Variants in FUT8 observed in about 807,000 individuals in gnomAD.
FUT8 encodes fucosyltransferase 8.
In FUT8, 29 loss-of-function variants were observed where a neutral mutation model predicts 71.3. That is an observed-to-expected ratio of 0.41 (90% CI 0.30 to 0.55). The LOEUF is 0.55. FUT8 is among the 20% of genes least tolerant of loss of function. The pLI is 0.34. For synonymous variants in FUT8, 254 were observed against 239.3 expected (o/e 1.06, Z -0.57); for missense variants, 544 against 702.1 (o/e 0.77, Z 2.55).
At chr14:65,359,860 C>G in the FUT8 span, among the ~76,000 whole-genome samples, 7,864 of 152,114 alleles carry the variant, frequency 0.052, 310 homozygotes, top group South Asian at 0.17. Flanking sequence ...GAGTCTTGCT[C>G]TATCACCCAG....
At chr14:65,573,334 T>A (rs1306874685) in intron 3 of FUT8, among the ~76,000 whole-genome samples, 4 of 152,068 alleles carry the variant, frequency 2.6e-5, no homozygotes, top group Non-Finnish European at 5.9e-5. Context: ...CTCATTCATA[T>A]TAATATATTC....
chr14:65,422,520 T>G (rs1327029459), intron 1 of FUT8, among the ~76,000 whole-genome samples: 9 of 151,926 alleles, frequency 5.9e-5, no homozygotes, highest in Admixed American at 3.9e-4. Flanking sequence ...TTTTAAGAGA[T>G]AGGGTCTTGC....
intron 3 of FUT8, among the ~76,000 whole-genome samples, chr14:65,568,592 T>C (rs2140070783): frequency 6.6e-6 from 1 of 151,896 alleles, no homozygotes; most frequent in East Asian, 1.9e-4. Context: ...TCTGTTTATC[T>C]TTCAGATTTT....
intron 5 of FUT8, chr14:65,617,160 A>G (rs774305794): frequency 1.3e-6 from 2 of 1,583,246 alleles, no homozygotes; most frequent in African/African-American, 2.7e-5. Context: ...ACAACCTACT[A>G]CTGTGAAGAG....
chr14:65,458,667 G>A (rs1467315342), intron 2 of FUT8, among the ~76,000 whole-genome samples: 2 of 152,058 alleles, frequency 1.3e-5, no homozygotes, highest in Non-Finnish European at 2.9e-5. Context: ...TCTTGTTTCT[G>A]AACATTTTTA....
At chr14:65,385,627 G>T in the FUT8 span, among the ~76,000 whole-genome samples, 8 of 151,984 alleles carry the variant, frequency 5.3e-5, no homozygotes, top group Non-Finnish European at 1.0e-4. Context: ...TTTTACATTT[G>T]TCATATTGAA....
intron 10 of FUT8, among the ~76,000 whole-genome samples, chr14:65,741,303 T>G (rs1046932333): frequency 8.6e-5 from 13 of 151,784 alleles, no homozygotes; most frequent in Non-Finnish European, 1.6e-4. Flanking sequence ...CATCCAAGCA[T>G]GCCACTCTCT....
At chr14:65,512,183 A>G (rs941966182) in intron 2 of FUT8, among the ~76,000 whole-genome samples, 4 of 152,208 alleles carry the variant, frequency 2.6e-5, no homozygotes, top group African/African-American at 9.6e-5. Flanking sequence ...TTATTTTTGT[A>G]GACAGAGTCT....
intron 6 of FUT8, among the ~76,000 whole-genome samples, chr14:65,644,460 C>T (rs1480535075): frequency 4.6e-5 from 7 of 151,350 alleles, no homozygotes; most frequent in Admixed American, 6.6e-5. Flanking sequence ...CCCGGGTTCA[C>T]GCCATTCTCC....
chr14:65,410,181 A>G (rs1209805709), upstream of FUT8, among the ~76,000 whole-genome samples: 5 of 152,224 alleles, frequency 3.3e-5, no homozygotes, highest in African/African-American at 4.8e-5. Context: ...GTCTGGAGAG[A>G]GTAAAATAAA....
chr14:65,439,954 GTATATATATATA>G lies in FUT8; in HGVS notation c.-325-15641_-325-15630del, dbSNP rs60534547. ...ATAAAGAAAATGTGTGTGTGTGTGT[GTATATATATATA>G]TATATATATATATATATATATATAT... is the stretch of plus-strand genomic sequence containing the variant. On this transcript the variant is annotated intron_variant, in intron 1 of 10. Coordinates refer to ENST00000673929, the MANE Select transcript of FUT8 (RefSeq NM_001371533.1). Among the ~76,000 whole-genome samples the G allele has an allele frequency of 6.3e-3, 476 of 74,972 alleles. 17 individuals carry two copies. The highest frequency in any genetic ancestry group is 0.018 in the African/African-American group (348 of 19,790). 49.2% of individuals were successfully genotyped at this position (74,972 alleles called of 152,430 possible).
At chr14:65,604,040 A>G (rs1291517802) in intron 3 of FUT8, among the ~76,000 whole-genome samples, 2 of 151,766 alleles carry the variant, frequency 1.3e-5, no homozygotes, top group Admixed American at 6.6e-5. Flanking sequence ...AATCCTAAAC[A>G]TATACAAGGC....
At position 65,603,244 on chromosome 14, in the gene FUT8, A is replaced by C. The variant is rs1010885199; in HGVS notation, c.204-12734A>C. Among the ~76,000 whole-genome samples, 6 of 151,442 alleles carry C rather than the reference A, an allele frequency of 4.0e-5. No homozygotes were observed. Among genetic ancestry groups the C allele is most frequent in the Non-Finnish European group, 7.4e-5 (5 of 67,794 alleles). On this transcript the variant is annotated intron_variant, in intron 3 of 10. Coordinates refer to ENST00000673929, the MANE Select transcript of FUT8 (RefSeq NM_001371533.1). This position sits in a 1 kb window ranked among gnomAD's most constrained non-coding sequence, Gnocchi z 4.5. ...TTGTTGCATAGGATGTCCTTTCCCCACTTTATGTTTTTGTTTGCTTTGTCG... is the reference window on the plus strand; with the variant it reads ...TTGTTGCATAGGATGTCCTTTCCCCCCTTTATGTTTTTGTTTGCTTTGTCG...
intron 2 of FUT8, among the ~76,000 whole-genome samples, chr14:65,506,286 A>T (rs996021211): frequency 6.6e-6 from 1 of 152,244 alleles, no homozygotes; most frequent in African/African-American, 2.4e-5. Flanking sequence ...TATAAAAAGT[A>T]ATAAGCCATT....
chr14:65,521,243 AAC>A (rs1367353165), intron 2 of FUT8, among the ~76,000 whole-genome samples: 4 of 152,162 alleles, frequency 2.6e-5, no homozygotes, highest in African/African-American at 4.8e-5. Context: ...GAAAAACTGA[AAC>A]AAAATGCTTG....
intron 7 of FUT8, among the ~76,000 whole-genome samples, chr14:65,700,530 A>G (rs1594913841): frequency 6.6e-6 from 1 of 151,588 alleles, no homozygotes; most frequent in African/African-American, 2.4e-5. Flanking sequence ...AGCTGGGACT[A>G]CAGGCACCCG....
intron 2 of FUT8, among the ~76,000 whole-genome samples, chr14:65,545,034 C>T (rs1404685574): frequency 6.6e-6 from 1 of 151,074 alleles, no homozygotes; most frequent in African/African-American, 2.4e-5. Context: ...CTCTCTTTTT[C>T]GTTGTCTTCA....
At chr14:65,531,314 C>A (rs1486834583) in intron 2 of FUT8, among the ~76,000 whole-genome samples, 1 of 151,920 alleles carries the variant, frequency 6.6e-6, no homozygotes, top group African/African-American at 2.4e-5. Context: ...AGTTCCTGTA[C>A]TAGGTGTGAA....
At chr14:65,502,281 G>C (rs1372723967) in intron 2 of FUT8, among the ~76,000 whole-genome samples, 2 of 151,472 alleles carry the variant, frequency 1.3e-5, no homozygotes, top group Non-Finnish European at 2.9e-5. Context: ...CTGGGGTGCA[G>C]TGGTGGGATC....
Sources: gnomAD v4.1 joint callset for allele counts (sites outside exome capture counted in the v4.1 genomes callset) on GRCh38, gnomAD v4.1.1 for gene constraint, Gnocchi (gnomAD v3.1) non-coding constraint, MANE v1.5 for transcripts, NCBI Gene and HGNC (gene_info 2026-07-23, HGNC 2026-07-21) for gene names.